Variants in EEF1E1 observed in about 807,000 individuals in gnomAD.
The protein encoded by EEF1E1 is eukaryotic translation elongation factor 1 epsilon 1.
A neutral mutation model predicts 19.9 loss-of-function variants in EEF1E1; 19 were observed. The ratio of observed to expected loss-of-function variants is 0.95; its 90% CI spans 0.66 to 1.40. The LOEUF is 1.40. Among genes scored for constraint, EEF1E1 ranks in the 40% most tolerant of loss-of-function variants. The pLI, the probability that EEF1E1 is intolerant of heterozygous loss-of-function variation, is 0.00. For synonymous variants in EEF1E1, 81 were observed against 80.0 expected (o/e 1.01, Z -0.07); for missense variants, 198 against 202.2 (o/e 0.98, Z 0.13).
intron 3 of EEF1E1, among the ~76,000 whole-genome samples, chr6:8,084,485 A>G (rs966255725): frequency 3.3e-5 from 5 of 152,228 alleles, no homozygotes; most frequent in Admixed American, 3.3e-4. Context: ...AAATTTAATT[A>G]AACACTTGGT....
chr6:8,091,140 C>T (rs1201788014), intron 2 of EEF1E1, among the ~76,000 whole-genome samples: 1 of 152,186 alleles, frequency 6.6e-6, no homozygotes, highest in Non-Finnish European at 1.5e-5. Context: ...TACATTCCCA[C>T]CAACAATGCA....
intron 1 of EEF1E1, among the ~76,000 whole-genome samples, chr6:8,099,404 T>C (rs1338864330): frequency 2.0e-5 from 3 of 152,238 alleles, no homozygotes; most frequent in African/African-American, 7.2e-5. Flanking sequence ...AGCAATAGGC[T>C]ATATCATATA....
chr6:8,074,760 C>T (rs569846154), downstream of EEF1E1, among the ~76,000 whole-genome samples: 8 of 152,330 alleles, frequency 5.3e-5, no homozygotes, highest in South Asian at 1.7e-3. Flanking sequence ...AGGTCTTCAT[C>T]TTTCGACCAT....
At chr6:8,077,016 T>C (rs1387250840), downstream of EEF1E1, among the ~76,000 whole-genome samples, 2 of 148,408 alleles carry the variant, frequency 1.3e-5, no homozygotes, top group Non-Finnish European at 3.0e-5. Flanking sequence ...CGATCTCGGC[T>C]CACTGCAAGC....
intron 2 of EEF1E1, among the ~76,000 whole-genome samples, chr6:8,091,928 T>G (rs1432295002): frequency 6.6e-6 from 1 of 152,222 alleles, no homozygotes; most frequent in African/African-American, 2.4e-5. Context: ...ATACATAGAC[T>G]GGGTGGCATG....
chr6:8,090,485 T>C (rs1757986720), intron 2 of EEF1E1, among the ~76,000 whole-genome samples: 2 of 152,168 alleles, frequency 1.3e-5, no homozygotes, highest in Admixed American at 6.5e-5. Context: ...TAAACATTAC[T>C]AGTCTTAAAT....
intron 1 of EEF1E1, among the ~76,000 whole-genome samples, chr6:8,100,595 T>C (rs1462455972): frequency 6.6e-6 from 1 of 152,124 alleles, no homozygotes; most frequent in Non-Finnish European, 1.5e-5. Context: ...CACTGCAACC[T>C]TGGTGTTATC....
intron 1 of EEF1E1, among the ~76,000 whole-genome samples, chr6:8,098,787 G>C (rs769656860): frequency 9.8e-5 from 15 of 152,288 alleles, no homozygotes; most frequent in Middle Eastern, 6.8e-3. Flanking sequence ...TGTGTGTACT[G>C]AATGTATGGT....
intron 1 of EEF1E1, among the ~76,000 whole-genome samples, chr6:8,099,633 G>A (rs1377932545): frequency 6.6e-6 from 1 of 152,008 alleles, no homozygotes; most frequent in Non-Finnish European, 1.5e-5. Context: ...TGTAATCCCT[G>A]CTACACGGGA....
chr6:8,089,284 G>T (rs1192241322), intron 3 of EEF1E1, among the ~76,000 whole-genome samples: 6 of 152,166 alleles, frequency 3.9e-5, no homozygotes, highest in Non-Finnish European at 7.3e-5. Flanking sequence ...GAGATCAAAA[G>T]AGCTAAGATA....
chr6:8,077,084 C>T (rs929829942), downstream of EEF1E1, among the ~76,000 whole-genome samples: 1 of 151,984 alleles, frequency 6.6e-6, no homozygotes, highest in South Asian at 2.1e-4. Context: ...GCTGGGACTA[C>T]AGGCGCCCGC....
rs201779800 is a variant in EEF1E1, at chr6:8,097,373, A to G, written c.182T>C (p.Leu61Pro). 6.2e-7 allele frequency: 1 copy of G among 1,614,202 alleles called. No individual in the cohort carries two copies. Among genetic ancestry groups the G allele is most frequent in the Non-Finnish European group, 8.5e-7 (1 of 1,180,040 alleles). Residue 61 changes from leucine to proline, a missense_variant, in exon 2 of 4, where the codon CTG becomes CCG. By Grantham distance (98) the Leu-to-Pro change is moderately conservative. Coordinates refer to ENST00000379715, the MANE Select transcript of EEF1E1 (RefSeq NM_004280.5). ...LVKQANKEYL[L>P]GSTAEEKAIV... ...TGCTTTTTCTTCTGCAGTACTCCCC[A>G]GCAAATATTCTTTGTTGGCTTGCTT... is the stretch of plus-strand genomic sequence containing the variant.
chr6:8,076,570 G>A (rs1053729291), downstream of EEF1E1, among the ~76,000 whole-genome samples: 1 of 152,010 alleles, frequency 6.6e-6, no homozygotes, highest in Non-Finnish European at 1.5e-5. Flanking sequence ...TGATCTGCCC[G>A]CCTCGGCCTC....
chr6:8,086,207 G>A (rs951267724), intron 3 of EEF1E1, among the ~76,000 whole-genome samples: 5 of 152,040 alleles, frequency 3.3e-5, no homozygotes, highest in Admixed American at 3.3e-4. Context: ...GCATTATTAC[G>A]GTACGTTTGC....
At chr6:8,097,124 G>T in intron 2 of EEF1E1, 143 bp downstream of exon 2, 1 of 806,796 alleles carries the variant, frequency 1.2e-6, no homozygotes, top group Non-Finnish European at 2.0e-6. Flanking sequence ...GTCTGTTCCA[G>T]GCAGAGGGAA....
chr6:8,079,851 A>C lies in EEF1E1; in HGVS notation c.*39T>G. On this transcript the variant is annotated 3_prime_UTR_variant, in exon 4 of 4. Coordinates refer to ENST00000379715, the MANE Select transcript of EEF1E1 (RefSeq NM_004280.5). Reference sequence around the variant, plus strand: ...GGTCTAGAGTACATTTTCCATTTAAAACATTTTTAATAGATCTTCTGTATG... The same window carrying C: ...GGTCTAGAGTACATTTTCCATTTAACACATTTTTAATAGATCTTCTGTATG... 1 of 1,589,640 alleles carries C rather than the reference A, an allele frequency of 6.3e-7. No individual in the cohort carries two copies. The highest frequency in any genetic ancestry group is 8.6e-7 in the Non-Finnish European group (1 of 1,166,044).
chr6:8,097,485 G>A lies in EEF1E1; in HGVS notation c.88-18C>T, dbSNP rs1758206344. 2.5e-6 allele frequency: 4 copies of A among 1,597,832 alleles called. No homozygotes were observed. Among genetic ancestry groups the A allele is most frequent in the Non-Finnish European group, 3.4e-6 (4 of 1,171,094 alleles). On this transcript the variant is annotated intron_variant, in intron 1 of 3. Transcript: ENST00000379715. ...ACTGGAATCTTAAAAAGAAAAAAAAGTTCACAGAATTTAAAAAACAAGGAC... is the reference window on the plus strand; with the variant it reads ...ACTGGAATCTTAAAAAGAAAAAAAAATTCACAGAATTTAAAAAACAAGGAC...
chr6:8,079,356 A>ATC, downstream of EEF1E1: 1 of 964,060 alleles, frequency 1.0e-6, no homozygotes, highest in Non-Finnish European at 1.2e-6. Context: ...TTTCACCCCA[A>ATC]TGAGTACTGA....
intron 2 of EEF1E1, among the ~76,000 whole-genome samples, chr6:8,095,686 T>C (rs925781432): frequency 3.9e-5 from 6 of 152,136 alleles, no homozygotes; most frequent in Non-Finnish European, 7.4e-5. Context: ...TAGTTCTCTC[T>C]TGTTGGTGGG....
Sources: allele counts gnomAD v4.1 joint callset (sites outside exome capture counted in the v4.1 genomes callset), GRCh38; gene constraint gnomAD v4.1.1; transcripts MANE v1.5; gene names NCBI Gene and HGNC (gene_info 2026-07-23, HGNC 2026-07-21).